Variants in SLC1A2 observed in about 807,000 individuals in gnomAD.
The protein encoded by SLC1A2 is excitatory amino acid transporter 2.
Under a neutral mutation model 48.8 loss-of-function variants are expected in SLC1A2, and 15 were observed. That is an observed-to-expected ratio of 0.31 (90% CI 0.21 to 0.47). The LOEUF is 0.47. Ranked by LOEUF, SLC1A2 falls within the 20% of genes least tolerant of loss-of-function variation. The pLI, the probability that SLC1A2 is intolerant of heterozygous loss-of-function variation, is 0.99. For synonymous variants in SLC1A2, 279 were observed against 272.6 expected (o/e 1.02, Z -0.23); for missense variants, 502 against 730.5 (o/e 0.69, Z 3.61).
chr11:35,309,314 C>T (rs908886245), intron 4 of SLC1A2, among the ~76,000 whole-genome samples: 5 of 152,148 alleles, frequency 3.3e-5, no homozygotes, highest in African/African-American at 1.2e-4. Flanking sequence ...CATCCTTGTA[C>T]AAAGCAGAGA....
intron 6 of SLC1A2, among the ~76,000 whole-genome samples, chr11:35,294,056 C>T (rs1409949439): frequency 2.6e-5 from 4 of 152,120 alleles, no homozygotes; most frequent in Admixed American, 6.5e-5. Flanking sequence ...CTCTGAGTCC[C>T]GACAAAGGCA....
intron 1 of SLC1A2, among the ~76,000 whole-genome samples, chr11:35,346,517 C>T (rs1454858530): frequency 6.6e-6 from 1 of 152,210 alleles, no homozygotes; most frequent in East Asian, 1.9e-4. Context: ...AGCTCTGGAC[C>T]ACAAGGCATT....
rs757543785 is a variant in SLC1A2 at position 35,251,531 on chromosome 11, G to A, written c.*9363C>T. On this transcript the variant is annotated 3_prime_UTR_variant, in exon 11 of 11. Transcript: ENST00000278379. Reference sequence around the variant, plus strand: ...ATGTGCTATAGATGCTCTGTGCTACGTGACTTCAGACCAATGGGGATTGTG... The same window carrying A: ...ATGTGCTATAGATGCTCTGTGCTACATGACTTCAGACCAATGGGGATTGTG... 1.3e-5 allele frequency: 2 copies of A among 152,352 alleles called. No homozygotes were observed. Among genetic ancestry groups the A allele is most frequent in the African/African-American group, 2.4e-5 (1 of 41,418 alleles). The allele number at this position is 152,352 out of a possible 1,614,324, so 9.4% of individuals were successfully genotyped here.
chr11:35,384,594 T>A (rs1254759355), intron 1 of SLC1A2, among the ~76,000 whole-genome samples: 1 of 152,220 alleles, frequency 6.6e-6, no homozygotes, highest in Non-Finnish European at 1.5e-5. Flanking sequence ...TAGAAGATAT[T>A]GATTCATCAT....
intron 1 of SLC1A2, among the ~76,000 whole-genome samples, chr11:35,339,384 A>T (rs1852753213): frequency 6.6e-6 from 1 of 152,212 alleles, no homozygotes; most frequent in Non-Finnish European, 1.5e-5. Context: ...TCCACAGGGC[A>T]TCTTCTTATA....
chr11:35,411,094 A>C (rs578181400), intron 1 of SLC1A2, among the ~76,000 whole-genome samples: 1 of 152,256 alleles, frequency 6.6e-6, no homozygotes, highest in Non-Finnish European at 1.5e-5. Context: ...AAATGCTAAG[A>C]TTCTATGATG....
chr11:35,356,961 G>A (rs1234683429), intron 1 of SLC1A2, among the ~76,000 whole-genome samples: 1 of 152,120 alleles, frequency 6.6e-6, no homozygotes, highest in African/African-American at 2.4e-5. Context: ...GATCTTTTAG[G>A]CTGGGCATGG....
intron 1 of SLC1A2, among the ~76,000 whole-genome samples, chr11:35,402,093 A>T (rs925218247): frequency 6.6e-6 from 1 of 152,214 alleles, no homozygotes; most frequent in African/African-American, 2.4e-5. Context: ...GTGATACAAT[A>T]AAAAATAAAT....
intron 1 of SLC1A2, among the ~76,000 whole-genome samples, chr11:35,416,523 C>A (rs1453652547): frequency 2.6e-5 from 4 of 152,158 alleles, no homozygotes; most frequent in Admixed American, 2.0e-4. Context: ...TCTAATAATT[C>A]TTTAGAAATT....
chr11:35,370,683 G>A (rs1411075481), intron 1 of SLC1A2, among the ~76,000 whole-genome samples: 1 of 152,106 alleles, frequency 6.6e-6, no homozygotes. Context: ...AGGGCTCAGT[G>A]CGGGGAATGA....
chr11:35,327,041 A>C (rs576066205), intron 1 of SLC1A2, among the ~76,000 whole-genome samples: 21 of 152,244 alleles, frequency 1.4e-4, no homozygotes, highest in African/African-American at 5.1e-4. Flanking sequence ...AAACTTTGCT[A>C]ACTGCATACC....
chr11:35,298,926 A>T (rs1851253981), intron 6 of SLC1A2: 1 of 152,244 alleles, frequency 6.6e-6, no homozygotes, highest in South Asian at 2.1e-4. Context: ...TGGCGTAAAG[A>T]TGCGTAATCT....
chr11:35,398,612 C>T (rs997194035), intron 1 of SLC1A2, among the ~76,000 whole-genome samples: 4 of 152,158 alleles, frequency 2.6e-5, no homozygotes, highest in African/African-American at 9.7e-5. Flanking sequence ...ACCCCTGTGA[C>T]ATGCAATTTA....
At chr11:35,284,441 T>C (rs1397911981) in intron 8 of SLC1A2, among the ~76,000 whole-genome samples, 1 of 152,140 alleles carries the variant, frequency 6.6e-6, no homozygotes, top group Non-Finnish European at 1.5e-5. Context: ...TCCTTATCTA[T>C]GTATAAGGTG....
intron 1 of SLC1A2, among the ~76,000 whole-genome samples, chr11:35,383,274 AC>A (rs762668425): frequency 1.2e-4 from 19 of 152,196 alleles, no homozygotes; most frequent in Admixed American, 2.0e-4. Context: ...CAGTAATGGG[AC>A]CTGGGTAAAT....
chr11:35,292,187 T>G (rs1389622654), intron 7 of SLC1A2, 100 bp downstream of exon 7: 2 of 825,746 alleles, frequency 2.4e-6, no homozygotes, highest in Non-Finnish European at 4.0e-6. Flanking sequence ...GTGCCAAGTG[T>G]TCTTATTGAA....
rs1850717865 is a variant in SLC1A2 at position 35,283,805 on chromosome 11, C to A, written c.1287-2804G>T. Among the ~76,000 whole-genome samples, 4 of 152,004 alleles carry A rather than the reference C, an allele frequency of 2.6e-5. No individual in the cohort carries two copies. In the South Asian group the frequency reaches 6.3e-4, roughly 24 times the overall value. On this transcript the variant is annotated intron_variant, in intron 8 of 10. Coordinates refer to ENST00000278379, the MANE Select transcript of SLC1A2 (RefSeq NM_004171.4). ...AATTTTGAAAGGCTTGATCTTCTGA[C>A]CTGAAGTATATTTTCCATTGTCAGT...
intron 9 of SLC1A2, among the ~76,000 whole-genome samples, chr11:35,276,633 G>A (rs1310302956): frequency 6.6e-6 from 1 of 152,150 alleles, no homozygotes. Context: ...GGTTTTGAAT[G>A]TTTCATGAAG....
Position 35,289,096 on chromosome 11 carries a change from T to C in SLC1A2, c.1092-2145A>G, listed in dbSNP as rs1442432780. Among the ~76,000 whole-genome samples the C allele has an allele frequency of 2.6e-5, 4 of 152,324 alleles. No homozygotes were observed. In the East Asian group the frequency reaches 7.7e-4, roughly 29 times the overall value. Reference sequence around the variant, plus strand: ...CAGATATTTGAAATGCTTCTTTTGTTTTTTAAGTATTAGTTTTAACAGACT... The same window carrying C: ...CAGATATTTGAAATGCTTCTTTTGTCTTTTAAGTATTAGTTTTAACAGACT... On this transcript the variant is annotated intron_variant, in intron 7 of 10. Transcript: ENST00000278379.
Sources: gnomAD v4.1 joint callset for allele counts (sites outside exome capture counted in the v4.1 genomes callset) on GRCh38, gnomAD v4.1.1 for gene constraint, MANE v1.5 for transcripts, NCBI Gene and HGNC (gene_info 2026-07-23, HGNC 2026-07-21) for gene names.